The following COL27A1 variants were observed in gnomAD, a reference collection of about 807,000 sequenced individuals.
COL27A1 encodes collagen type XXVII alpha 1 chain, also known as collagen alpha-1(XXVII) chain.
COL27A1 carries 106 observed loss-of-function variants against 251.3 expected under a neutral mutation model. The observed-to-expected ratio is 0.42, with a 90% CI of 0.36 to 0.50. The LOEUF (loss-of-function observed/expected upper bound fraction) is 0.50. Among genes scored for constraint, COL27A1 ranks in the 20% least tolerant of loss-of-function variants. COL27A1 has a pLI of 0.00. For synonymous variants in COL27A1, 1,000 were observed against 986.3 expected (o/e 1.01, Z -0.26); for missense variants, 2,325 against 2,522.8 (o/e 0.92, Z 1.68).
At chr9:114,282,368 T>G (rs1835971116) in intron 38 of COL27A1, 38 bp downstream of exon 38, 1 of 1,611,276 alleles carries the variant, frequency 6.2e-7, no homozygotes. Flanking sequence ...CCTGCGTCCC[T>G]CCCCCGCATC....
At chr9:114,198,709 G>A (rs191830123) in intron 7 of COL27A1, among the ~76,000 whole-genome samples, 34 of 152,320 alleles carry the variant, frequency 2.2e-4, no homozygotes, top group Admixed American at 2.1e-3. Context: ...GCCTGCCCGA[G>A]AAGGTTTGTT....
chr9:114,187,050 G>A lies in COL27A1; in HGVS notation c.2016+3975G>A, dbSNP rs184840689. 1.8e-3 allele frequency among the ~76,000 whole-genome samples: 271 copies of A among 152,326 alleles called. 2 individuals carry two copies. The highest frequency in any genetic ancestry group is 2.8e-3 in the Non-Finnish European group (188 of 68,020). On this transcript the variant is annotated intron_variant, in intron 5 of 60. Coordinates refer to ENST00000356083, the MANE Select transcript of COL27A1 (RefSeq NM_032888.4). ...GGTCCACTTGGTCTGCAGTGAACTA[G>A]CCAGGATGATATGGCCCTCAGACAC...
At chr9:114,280,432 G>T (rs2135693633) in intron 37 of COL27A1, among the ~76,000 whole-genome samples, 1 of 152,260 alleles carries the variant, frequency 6.6e-6, no homozygotes, top group East Asian at 1.9e-4. Flanking sequence ...TGAGCTCCTG[G>T]CCTCAAGTGA....
intron 57 of COL27A1, chr9:114,306,281 C>T (rs1163213422): frequency 4.3e-6 from 2 of 466,056 alleles, no homozygotes; most frequent in Non-Finnish European, 7.7e-6. Context: ...TATCAGAGAA[C>T]ATGGTCTGAC....
rs778074426 is a variant in COL27A1 at position 114,282,314 on chromosome 9, G to A, written c.3755G>A (p.Gly1252Asp). The part of the protein sequence containing the change: ...EGKSGKQGEK[G>D]RTGAKGAKGY... ...AAATCAGGGAAGCAAGGCGAGAAGG[G>A]CCGCACTGGAGCCAAGGTAGGTGTC... is the stretch of plus-strand genomic sequence containing the variant. The change falls in exon 38 of 61, where the codon GGC (glycine) becomes GAC (aspartate). Residue 1252 changes from glycine to aspartate, a missense_variant. Physicochemically the swap from Gly to Asp is moderately conservative, Grantham distance 94. Coordinates refer to ENST00000356083, the MANE Select transcript of COL27A1 (RefSeq NM_032888.4). The A allele has an allele frequency of 1.2e-6, 2 of 1,614,052 alleles. No individual in the cohort carries two copies. Among genetic ancestry groups the A allele is most frequent in the Non-Finnish European group, 1.7e-6 (2 of 1,180,022 alleles).
At chr9:114,289,174 G>A (rs1210293475) in intron 44 of COL27A1, 68 bp from the exon 45 acceptor site, 18 of 1,326,250 alleles carry the variant, frequency 1.4e-5, no homozygotes, top group African/African-American at 1.0e-4. Context: ...CCCTCCAGGC[G>A]GAGACTGGCC....
chr9:114,164,470 C>G (rs1179079465), intron 2 of COL27A1, among the ~76,000 whole-genome samples: 1 of 152,202 alleles, frequency 6.6e-6, no homozygotes, highest in African/African-American at 2.4e-5. Flanking sequence ...TGCTGGTTGT[C>G]AGCTTAGAAA....
At position 114,160,398 on chromosome 9, in the gene COL27A1, G is replaced by A. The variant is rs936209067; in HGVS notation, c.63-2317G>A. Among the ~76,000 whole-genome samples, 20 of 151,348 alleles carry A rather than the reference G, an allele frequency of 1.3e-4. No homozygotes were observed. The East Asian group carries it at 3.5e-3, about 26-fold the overall frequency. ...TCTTGATCTCCTGACCTCATGATCCGCCTGCCTCGGCCTCCCAAAGTGCTG... is the reference window on the plus strand; with the variant it reads ...TCTTGATCTCCTGACCTCATGATCCACCTGCCTCGGCCTCCCAAAGTGCTG... On this transcript the variant is annotated intron_variant, in intron 1 of 60. Coordinates refer to ENST00000356083, the MANE Select transcript of COL27A1 (RefSeq NM_032888.4).
In COL27A1 at chr9:114,209,702, G is replaced by A. The variant is rs752172699; in HGVS notation, c.2296G>A (p.Gly766Ser). The change falls in exon 11 of 61, where the codon GGC (glycine) becomes AGC (serine). Residue 766 changes from glycine to serine, a missense_variant. By Grantham distance (56) the Gly-to-Ser change is moderately conservative (BLOSUM62 0). This residue lies in a region of COL27A1 where 1,183 missense variants were observed against 1,144.1 expected (regional missense o/e 1.03). Transcript: ENST00000356083. ...CTACATTGGGCTCCCAGGGCTCTTC[G>A]GCCTGCCAGGGTCTGATGGAGAACG... ...RGYIGLPGLF[G>S]LPGSDGERGL... is the part of the protein sequence containing the mutation. 7.4e-6 allele frequency: 12 copies of A among 1,613,952 alleles called. No homozygotes were observed. Among genetic ancestry groups the A allele is most frequent in the East Asian group, 2.2e-5 (1 of 44,880 alleles).
chr9:114,229,126 G>C (rs1188419661), intron 14 of COL27A1, among the ~76,000 whole-genome samples: 1 of 152,214 alleles, frequency 6.6e-6, no homozygotes, highest in Non-Finnish European at 1.5e-5. Context: ...GCCACGCTGG[G>C]CCTGAAAGCA....
At chr9:114,210,181 G>A (rs1830249573) in intron 11 of COL27A1, among the ~76,000 whole-genome samples, 1 of 152,228 alleles carries the variant, frequency 6.6e-6, no homozygotes, top group African/African-American at 2.4e-5. Flanking sequence ...CCAGCCAGTT[G>A]TCTGTTTTTG....
At chr9:114,292,389 C>G (rs1036319291) in intron 49 of COL27A1, among the ~76,000 whole-genome samples, 179 bp downstream of exon 49, 1 of 152,164 alleles carries the variant, frequency 6.6e-6, no homozygotes, top group Non-Finnish European at 1.5e-5. Flanking sequence ...TTCTGCCACC[C>G]CTCAACCAGG....
intron 23 of COL27A1, among the ~76,000 whole-genome samples, chr9:114,244,728 A>C (rs16927558): frequency 1.3e-5 from 2 of 152,210 alleles, no homozygotes; most frequent in Non-Finnish European, 2.9e-5. Context: ...TGTATGCGCC[A>C]AACTACTGGC....
At chr9:114,176,705 C>T (rs1827481728) in intron 3 of COL27A1, among the ~76,000 whole-genome samples, 1 of 152,176 alleles carries the variant, frequency 6.6e-6, no homozygotes, top group Non-Finnish European at 1.5e-5. Flanking sequence ...GCCAATTTGG[C>T]CAGAGGTCTC....
At chr9:114,192,544 T>C (rs930165954) in intron 5 of COL27A1, among the ~76,000 whole-genome samples, 4 of 151,996 alleles carry the variant, frequency 2.6e-5, no homozygotes, top group Non-Finnish European at 5.9e-5. Context: ...GCTGGGGGGA[T>C]GGGGAGTGTG....
chr9:114,238,438 A>G (rs1015368885), intron 19 of COL27A1, among the ~76,000 whole-genome samples: 1 of 152,124 alleles, frequency 6.6e-6, no homozygotes, highest in African/African-American at 2.4e-5. Context: ...ACCCAGGCCA[A>G]CCTCAGTTGG....
intron 11 of COL27A1, among the ~76,000 whole-genome samples, chr9:114,210,640 G>A (rs1211006097): frequency 1.3e-5 from 2 of 152,132 alleles, no homozygotes; most frequent in African/African-American, 4.8e-5. Flanking sequence ...GGTGGCCTCG[G>A]GATCTTCCTC....
intron 12 of COL27A1, among the ~76,000 whole-genome samples, chr9:114,211,969 G>C (rs1830397206): frequency 6.6e-6 from 1 of 152,228 alleles, no homozygotes; most frequent in Non-Finnish European, 1.5e-5. Flanking sequence ...AAGGGAGTAT[G>C]AAGAGGAGGC....
rs748184039 is a variant in COL27A1, at chr9:114,168,039, G to A, written c.484G>A (p.Glu162Lys). 5.6e-6 allele frequency: 9 copies of A among 1,606,100 alleles called. No individual in the cohort carries two copies. Among genetic ancestry groups the A allele is most frequent in the Middle Eastern group, 1.7e-4 (1 of 6,056 alleles). Residue 162 changes from glutamate to lysine, a missense_variant, in exon 3 of 61, where the codon GAG (glutamate) becomes AAG (lysine). Glu to Lys is a moderately conservative substitution (Grantham distance 56). This residue lies in a region of COL27A1 where 1,183 missense variants were observed against 1,144.1 expected (regional missense o/e 1.03). Transcript: ENST00000356083. ...CGGGCGCTGGCACCACCTGGCCCTC[G>A]AGCTCCGAGGCCGCACAGTCACTCT... Reference protein sequence around the residue: ...HDGRWHHLALELRGRTVTLVT... With the variant: ...HDGRWHHLALKLRGRTVTLVT...
Sources: gnomAD v4.1 joint callset for allele counts (sites outside exome capture counted in the v4.1 genomes callset) on GRCh38, gnomAD v4.1.1 for gene constraint, gnomAD v4.1.1 regional missense constraint, MANE v1.5 for transcripts, NCBI Gene and HGNC (gene_info 2026-07-23, HGNC 2026-07-21) for gene names.